KMT2C: variants seen among roughly 807,000 people sequenced by gnomAD.
KMT2C encodes lysine methyltransferase 2C.
KMT2C carries 88 observed loss-of-function variants against 507.9 expected under a neutral mutation model. That is an observed-to-expected ratio of 0.17 (90% CI 0.15 to 0.21). KMT2C has a LOEUF of 0.21. Among genes scored for constraint, KMT2C ranks in the 10% least tolerant of loss-of-function variants. The pLI, the probability that KMT2C is intolerant of heterozygous loss-of-function variation, is 1.00. For missense variants in KMT2C, 4,954 were observed against 5,957.8 expected, an observed-to-expected ratio of 0.83 and a Z score of 5.55; for synonymous variants, 2,049 against 2,080.8, an observed-to-expected ratio of 0.98 and a Z score of 0.42.
intron 6 of KMT2C, among the ~76,000 whole-genome samples, chr7:152,278,383 C>T (rs1325131640): frequency 5.3e-5 from 8 of 151,884 alleles, no homozygotes; most frequent in Admixed American, 1.3e-4. Flanking sequence ...CAGGTTCAAG[C>T]GATTCTCCTG....
chr7:152,263,036 T>C lies in KMT2C; in HGVS notation c.1279A>G (p.Thr427Ala). ...CTTACTTTGCATTTCCAGCCATTGG[T>C]TGGTACTGATTTCATAACTGGTTGA... Reference protein sequence around the residue: ...CLQPVMKSVPTNGWKCKNCRI... With the variant: ...CLQPVMKSVPANGWKCKNCRI... Residue 427 changes from threonine (T) to alanine (A), a missense_variant, in exon 9 of 59, where the codon ACC (threonine) becomes GCC (alanine). Thr to Ala is a moderately conservative substitution (Grantham distance 58). Transcript: ENST00000262189. The C allele has an allele frequency of 1.9e-6, 3 of 1,611,754 alleles. No homozygotes were observed. The highest frequency in any genetic ancestry group is 2.5e-6 in the Non-Finnish European group (3 of 1,178,822).
intron 1 of KMT2C, among the ~76,000 whole-genome samples, chr7:152,386,258 T>C (rs1232034457): frequency 6.6e-5 from 10 of 152,070 alleles, no homozygotes; most frequent in African/African-American, 2.4e-4. Context: ...AGAGGACTTT[T>C]GTAAGAATTA....
chr7:152,137,816 T>C (rs1028216108), intron 58 of KMT2C: 7 of 152,258 alleles, frequency 4.6e-5, no homozygotes, highest in African/African-American at 1.7e-4. Flanking sequence ...CTGACCACCA[T>C]GGTAGCCATT....
intron 6 of KMT2C, among the ~76,000 whole-genome samples, chr7:152,294,740 C>T (rs988853949): frequency 6.6e-6 from 1 of 152,150 alleles, no homozygotes; most frequent in African/African-American, 2.4e-5. Flanking sequence ...CAAAAACACA[C>T]TTGAGAGGCA....
At chr7:152,393,416 A>T (rs1257111650) in intron 1 of KMT2C, among the ~76,000 whole-genome samples, 1 of 152,214 alleles carries the variant, frequency 6.6e-6, no homozygotes, top group Non-Finnish European at 1.5e-5. Flanking sequence ...CAAATCATTT[A>T]AAAAGGATGA....
intron 27 of KMT2C, among the ~76,000 whole-genome samples, chr7:152,196,523 T>C (rs1051289449): frequency 9.2e-5 from 14 of 152,326 alleles, no homozygotes; most frequent in Admixed American, 5.9e-4. Context: ...ACTCATTTAT[T>C]TTAAAAAGTA....
At chr7:152,377,384 C>T (rs2097337197) in intron 1 of KMT2C, among the ~76,000 whole-genome samples, 1 of 151,786 alleles carries the variant, frequency 6.6e-6, no homozygotes, top group African/African-American at 2.4e-5. Context: ...TACGATACAT[C>T]TATCCTGCAG....
intron 1 of KMT2C, among the ~76,000 whole-genome samples, chr7:152,390,182 C>A (rs2097479882): frequency 6.6e-6 from 1 of 152,216 alleles, no homozygotes; most frequent in East Asian, 1.9e-4. Flanking sequence ...ATGTAACAAA[C>A]CTGCACGTGT....
intron 6 of KMT2C, among the ~76,000 whole-genome samples, chr7:152,296,979 AAAAGAAAGAAAGAAAGAAAAAGAAAG>A (rs1266245781): frequency 1.4e-5 from 2 of 141,590 alleles, no homozygotes; most frequent in Non-Finnish European, 3.1e-5. Flanking sequence ...ATCACCACTA[AAAAGAAAGAAAGAAAGAAAAAGAAAG>A]AAAGAAAGAA....
rs760099913 is a variant in KMT2C at position 152,205,097 on chromosome 7, G to T, written c.3961+9C>A. The T allele has an allele frequency of 6.3e-7, 1 of 1,599,500 alleles. No homozygotes were observed. Among genetic ancestry groups the T allele is most frequent in the African/African-American group, 1.3e-5 (1 of 74,172 alleles). ...AAAAAAAAAATTTTTTTTTAAGTCA[G>T]TACTATACCATCATCTCTGCAAGGT... is the stretch of plus-strand genomic sequence containing the variant. On this transcript the variant is annotated intron_variant, in intron 25 of 58. Coordinates refer to ENST00000262189, the MANE Select transcript of KMT2C (RefSeq NM_170606.3).
In KMT2C at chr7:152,162,722, T is replaced by G. The variant is rs1241402943; in HGVS notation, c.10855A>C (p.Thr3619Pro). 6.2e-7 allele frequency: 1 copy of G among 1,614,246 alleles called. No homozygotes were observed. The highest frequency in any genetic ancestry group is 1.1e-5 in the South Asian group (1 of 91,086). Residue 3619 changes from threonine to proline, a missense_variant, in exon 43 of 59, where the codon ACC becomes CCC. Thr to Pro is a conservative substitution (Grantham distance 38, BLOSUM62 -1). Transcript: ENST00000262189. ...GAATGGGGAGTTGATGGAGCCTTGG[T>G]GGATTCTGCATCATCATCTCTTTTC... is the stretch of plus-strand genomic sequence containing the variant. ...KKKRDDDAES[T>P]KAPSTPHSDI...
At chr7:152,297,293 A>G (rs2096525738) in intron 6 of KMT2C, among the ~76,000 whole-genome samples, 1 of 152,164 alleles carries the variant, frequency 6.6e-6, no homozygotes, top group Non-Finnish European at 1.5e-5. Flanking sequence ...TGAGTTGGAA[A>G]GAGAAAGTTA....
At chr7:152,298,477 A>G (rs1341907368) in intron 6 of KMT2C, among the ~76,000 whole-genome samples, 1 of 152,234 alleles carries the variant, frequency 6.6e-6, no homozygotes, top group African/African-American at 2.4e-5. Context: ...AATGCAAGTG[A>G]GAAGACAGCA....
rs758932054 is a variant in KMT2C at position 152,299,835 on chromosome 7, G to A, written c.849+10131C>T. Among the ~76,000 whole-genome samples, 49 of 151,678 alleles carry A rather than the reference G, an allele frequency of 3.2e-4. 1 individual carries two copies. The highest frequency in any genetic ancestry group is 4.4e-4 in the Non-Finnish European group (30 of 67,922). On this transcript the variant is annotated intron_variant, in intron 6 of 58. Coordinates refer to ENST00000262189, the MANE Select transcript of KMT2C (RefSeq NM_170606.3). The stretch of plus-strand genomic sequence containing the variant: ...TTTTTATCAGAGAAATAAAACTATC[G>A]CCTTCAAGAAACACAAGTTAAATAC...
In KMT2C at chr7:152,194,034, T is replaced by C; in HGVS notation, c.4635A>G (p.Thr1545=). The change falls in exon 31 of 59, where the codon ACA becomes ACG. Residue 1545 remains threonine (T), a synonymous_variant. Coordinates refer to ENST00000262189, the MANE Select transcript of KMT2C (RefSeq NM_170606.3). ...PTPLPQPPPP[T]QLLPIHNQDA... ...CCTGATTGTGTATTGGCAACAGCTG[T>C]GTTGGTGGGGGAGGCTGTGGCAATG... 1 of 1,579,064 alleles carries C rather than the reference T, an allele frequency of 6.3e-7. No homozygotes were observed. Among genetic ancestry groups the C allele is most frequent in the South Asian group, 1.2e-5 (1 of 84,608 alleles).
In KMT2C at chr7:152,205,685, G is replaced by A. The variant is rs796417109; in HGVS notation, c.3842-460C>T. Reference sequence around the variant, plus strand: ...CAGACATCACCGTAGTTATAACACCGTAGCACAATTACTTTATTTTTTTAA... The same window carrying A: ...CAGACATCACCGTAGTTATAACACCATAGCACAATTACTTTATTTTTTTAA... On this transcript the variant is annotated intron_variant, in intron 24 of 58. Transcript: ENST00000262189. 9.2e-5 allele frequency among the ~76,000 whole-genome samples: 14 copies of A among 152,232 alleles called. No individual in the cohort carries two copies. The South Asian group carries it at 2.1e-3, about 23-fold the overall frequency.
In KMT2C at chr7:152,358,643, T is replaced by A; in HGVS notation, c.194A>T (p.Asp65Val). Residue 65 changes from aspartate (D) to valine (V), a missense_variant, in exon 2 of 59, where the codon GAT becomes GTT. Physicochemically the swap from Asp to Val is radical, Grantham distance 152. This residue lies in a region of KMT2C where 233 missense variants were observed against 263.6 expected (regional missense o/e 0.88). Transcript: ENST00000262189. ...CTCCAGCCCATCCATGCTGTCCTCA[T>A]CTTCCACTGCAGTTTTCCCCCTACT... The part of the protein sequence containing the change: ...PRSRGKTAVE[D>V]EDSMDGLETT... 1 of 1,610,064 alleles carries A rather than the reference T, an allele frequency of 6.2e-7. No homozygotes were observed. The highest frequency in any genetic ancestry group is 8.5e-7 in the Non-Finnish European group (1 of 1,177,544).
chr7:152,301,483 C>T (rs1383435739), intron 6 of KMT2C, among the ~76,000 whole-genome samples: 7 of 151,572 alleles, frequency 4.6e-5, no homozygotes, highest in East Asian at 1.9e-4. Context: ...CATTCCAGCC[C>T]GCTGACAGTG....
In KMT2C at chr7:152,295,883, G is replaced by A. The variant is rs566581818; in HGVS notation, c.849+14083C>T. Among the ~76,000 whole-genome samples the A allele has an allele frequency of 4.6e-5, 7 of 151,512 alleles. No individual in the cohort carries two copies. In the East Asian group the frequency reaches 9.9e-4, roughly 21 times the overall value. ...AGATCGAGACCATCCTAGCTAACAC[G>A]GTGAAACCCCGTCTCTACTAAAAAT... is the stretch of plus-strand genomic sequence containing the variant. On this transcript the variant is annotated intron_variant, in intron 6 of 58. Coordinates refer to ENST00000262189, the MANE Select transcript of KMT2C (RefSeq NM_170606.3).
Sources: allele counts gnomAD v4.1 joint callset (sites outside exome capture counted in the v4.1 genomes callset), GRCh38; gene constraint gnomAD v4.1.1; regional missense constraint gnomAD v4.1.1; transcripts MANE v1.5; gene names NCBI Gene and HGNC (gene_info 2026-07-23, HGNC 2026-07-21).